Variants in SDK1 observed in about 807,000 individuals in gnomAD.
The protein encoded by SDK1 is protein sidekick-1.
SDK1 carries 157 observed loss-of-function variants against 245.5 expected under a neutral mutation model. The observed-to-expected ratio is 0.64, with a 90% confidence interval of 0.56 to 0.73. The LOEUF (loss-of-function observed/expected upper bound fraction) is 0.73. Among genes scored for constraint, SDK1 ranks in the 30% least tolerant of loss-of-function variants. The probability of loss-of-function intolerance (pLI) is 0.00; values close to 1 mark genes in which losing one functional copy is unlikely to be tolerated. For missense variants in SDK1, 3,583 were observed against 3,002.3 expected (o/e 1.19, Z -4.52); for synonymous variants, 1,647 against 1,278.5 (o/e 1.29, Z -6.15).
At chr7:3,696,084 A>G (rs960698770) in intron 4 of SDK1, among the ~76,000 whole-genome samples, 3 of 151,954 alleles carry the variant, frequency 2.0e-5, no homozygotes, top group Non-Finnish European at 4.4e-5. Context: ...CTTATGCAAT[A>G]CTTGATCCTC....
chr7:4,150,490 C>G (rs1780287481), intron 30 of SDK1, among the ~76,000 whole-genome samples: 1 of 152,216 alleles, frequency 6.6e-6, no homozygotes, highest in Non-Finnish European at 1.5e-5. Context: ...TGCAGTCACC[C>G]AGTAAGGGGA....
intron 1 of SDK1, among the ~76,000 whole-genome samples, chr7:3,572,192 T>G (rs1780137218): frequency 6.6e-6 from 1 of 152,232 alleles, no homozygotes; most frequent in Non-Finnish European, 1.5e-5. Flanking sequence ...GTTAGTAGTT[T>G]CTACCTGGAA....
chr7:4,038,990 C>T (rs896790437), intron 17 of SDK1, among the ~76,000 whole-genome samples: 1 of 152,062 alleles, frequency 6.6e-6, no homozygotes, highest in Non-Finnish European at 1.5e-5. Flanking sequence ...TCCTGAGTAG[C>T]AACTTTTTTT....
intron 22 of SDK1, among the ~76,000 whole-genome samples, chr7:4,108,181 T>C (rs1033599097): frequency 6.6e-6 from 1 of 152,144 alleles, no homozygotes; most frequent in African/African-American, 2.4e-5. Flanking sequence ...TCCTGGGTCC[T>C]TTCCCTCTTC....
chr7:3,488,217 C>T (rs1781761856), intron 1 of SDK1, among the ~76,000 whole-genome samples: 1 of 152,126 alleles, frequency 6.6e-6, no homozygotes, highest in East Asian at 1.9e-4. Context: ...ACTCCTCCTC[C>T]CCAATTTTAT....
At chr7:3,535,531 C>T (rs1026671932) in intron 1 of SDK1, among the ~76,000 whole-genome samples, 1 of 152,068 alleles carries the variant, frequency 6.6e-6, no homozygotes, top group South Asian at 2.1e-4. Context: ...AGTAGTGTGA[C>T]CTTATGCAGG....
At chr7:3,612,790 G>A (rs1781642373) in intron 1 of SDK1, among the ~76,000 whole-genome samples, 1 of 152,126 alleles carries the variant, frequency 6.6e-6, no homozygotes, top group South Asian at 2.1e-4. Flanking sequence ...CATTCACACT[G>A]GCATTCTGGT....
chr7:3,353,545 A>G (rs554662110), intron 1 of SDK1, among the ~76,000 whole-genome samples: 2 of 152,296 alleles, frequency 1.3e-5, no homozygotes, highest in East Asian at 3.9e-4. Context: ...AGTAATGTGT[A>G]GCTCTTTTTA....
intron 1 of SDK1, among the ~76,000 whole-genome samples, chr7:3,589,444 T>A (rs1266456196): frequency 6.6e-6 from 1 of 152,236 alleles, no homozygotes; most frequent in Non-Finnish European, 1.5e-5. Context: ...TCCCCATGTC[T>A]TTTAGGTTTT....
At chr7:3,545,124 C>T in intron 1 of SDK1, among the ~76,000 whole-genome samples, 1 of 152,084 alleles carries the variant, frequency 6.6e-6, no homozygotes, top group Non-Finnish European at 1.5e-5. Flanking sequence ...CAGAGGGCTG[C>T]TTCTGACCAA....
intron 41 of SDK1, among the ~76,000 whole-genome samples, chr7:4,235,411 G>A (rs1786096842): frequency 6.6e-6 from 1 of 152,324 alleles, no homozygotes; most frequent in East Asian, 1.9e-4. Context: ...TGATCCGCCT[G>A]CCTTGGCCTC....
Position 3,409,414 on chromosome 7 carries a change from A to G in SDK1, c.298+107530A>G, listed in dbSNP as rs567114211. Among the ~76,000 whole-genome samples the G allele has an allele frequency of 3.0e-3, 452 of 151,694 alleles. 2 individuals carry two copies. Among genetic ancestry groups the G allele is most frequent in the African/African-American group, 9.7e-3 (402 of 41,354 alleles). On this transcript the variant is annotated intron_variant, in intron 1 of 44. Transcript: ENST00000404826. ...GCTGTGTTTGTGTCTCGCTGCCTGT[A>G]CAGTCAGGTGGCTGTTCTGCCTCTT...
At chr7:3,643,169 TG>T (rs1246442113) in intron 4 of SDK1, 1 of 151,376 alleles carries the variant, frequency 6.6e-6, no homozygotes, top group Non-Finnish European at 1.5e-5. Flanking sequence ...CCTGAGCATC[TG>T]TGGAATCCCT....
At chr7:3,946,059 G>T (rs938238134) in intron 5 of SDK1, among the ~76,000 whole-genome samples, 5 of 151,642 alleles carry the variant, frequency 3.3e-5, no homozygotes, top group African/African-American at 1.2e-4. Flanking sequence ...GAAAAACACA[G>T]AAAACAGAGG....
chr7:4,161,132 G>A (rs958124849), intron 31 of SDK1, among the ~76,000 whole-genome samples: 4 of 152,202 alleles, frequency 2.6e-5, no homozygotes, highest in Non-Finnish European at 4.4e-5. Context: ...AGGAGGCAGG[G>A]AAGAGGGGCA....
In SDK1 at chr7:3,463,267, CTTTTTG is replaced by C. The variant is rs568631978; in HGVS notation, c.299-155795_299-155790del. 2.2e-3 allele frequency among the ~76,000 whole-genome samples: 328 copies of C among 152,128 alleles called. 5 individuals are homozygous for C. The highest frequency in any genetic ancestry group is 1.4e-3 in the Non-Finnish European group (97 of 67,972). On this transcript the variant is annotated intron_variant, in intron 1 of 44. Transcript: ENST00000404826. ...TCAGTAACCATGATAGCAAGAATAT[CTTTTTG>C]TTTTTGTTTTTGTTTTTTCACCATT...
chr7:4,141,304 G>A (rs1285036181), intron 28 of SDK1, among the ~76,000 whole-genome samples: 3 of 152,202 alleles, frequency 2.0e-5, no homozygotes, highest in Non-Finnish European at 4.4e-5. Context: ...AGACAGCTTG[G>A]CAAGAAGAAA....
intron 4 of SDK1, among the ~76,000 whole-genome samples, chr7:3,664,776 C>G (rs941101349): frequency 1.3e-4 from 20 of 151,708 alleles, no homozygotes; most frequent in African/African-American, 4.4e-4. Flanking sequence ...TAGCAATAGT[C>G]TGATAGAGCT....
rs571856265 is a variant in SDK1, at chr7:4,243,656, C to T, written c.6251+1743C>T. Among the ~76,000 whole-genome samples the T allele has an allele frequency of 7.2e-5, 11 of 152,318 alleles. No individual in the cohort carries two copies. The East Asian group carries it at 7.7e-4, about 11-fold the overall frequency. ...CTTATTCACTCTCACGAGAACAGCACGGGAAAGACCTGCCCCCATGATTCA... is the reference window on the plus strand; with the variant it reads ...CTTATTCACTCTCACGAGAACAGCATGGGAAAGACCTGCCCCCATGATTCA... On this transcript the variant is annotated intron_variant, in intron 43 of 44. Coordinates refer to ENST00000404826, the MANE Select transcript of SDK1 (RefSeq NM_152744.4).
Sources: gnomAD v4.1 joint callset for allele counts (sites outside exome capture counted in the v4.1 genomes callset) on GRCh38, gnomAD v4.1.1 for gene constraint, MANE v1.5 for transcripts, NCBI Gene and HGNC (gene_info 2026-07-23, HGNC 2026-07-21) for gene names.